Variants in MAGI2 observed in about 807,000 individuals in gnomAD.
The protein encoded by MAGI2 is membrane-associated guanylate kinase, WW and PDZ domain-containing protein 2.
Under a neutral mutation model 133.3 loss-of-function variants are expected in MAGI2, and 35 were observed. The ratio of observed to expected loss-of-function variants is 0.26; its 90% CI spans 0.20 to 0.35. The LOEUF is 0.35. Among genes scored for constraint, MAGI2 ranks in the 10% least tolerant of loss-of-function variants. The probability of loss-of-function intolerance (pLI) is 1.00; values close to 1 mark genes in which losing one functional copy is unlikely to be tolerated. For synonymous variants in MAGI2, 729 were observed against 710.6 expected (o/e 1.03, Z -0.41); for missense variants, 1,636 against 1,863.4 (o/e 0.88, Z 2.25).
At position 78,264,476 on chromosome 7, in the gene MAGI2, A is replaced by G. The variant is rs183375893; in HGVS notation, c.1409-7895T>C. On this transcript the variant is annotated intron_variant, in intron 9 of 21. Coordinates refer to ENST00000354212, the MANE Select transcript of MAGI2 (RefSeq NM_012301.4). Reference sequence around the variant, plus strand: ...AACTGCAATATTCTTTTGATTAGCTAAGTTAATGGAGGCATGCAGTGAAGC... The same window carrying G: ...AACTGCAATATTCTTTTGATTAGCTGAGTTAATGGAGGCATGCAGTGAAGC... Among the ~76,000 whole-genome samples, 305 of 152,278 alleles carry G rather than the reference A, an allele frequency of 2.0e-3. 1 individual carries two copies. Among genetic ancestry groups the G allele is most frequent in the African/African-American group, 6.5e-3 (270 of 41,566 alleles).
intron 2 of MAGI2, among the ~76,000 whole-genome samples, chr7:78,914,021 T>C (rs1360059423): frequency 6.6e-6 from 1 of 152,168 alleles, no homozygotes; most frequent in Non-Finnish European, 1.5e-5. Context: ...TTATTCCAAG[T>C]ATATTTCTTC....
chr7:78,051,884 CTTT>C (rs59919639), intron 21 of MAGI2, among the ~76,000 whole-genome samples: 3 of 125,790 alleles, frequency 2.4e-5, no homozygotes, highest in South Asian at 2.6e-4. Flanking sequence ...CATACCCAGC[CTTT>C]TTTTTTTTTT....
At chr7:79,204,358 T>G (rs1351568080) in intron 1 of MAGI2, among the ~76,000 whole-genome samples, 1 of 152,032 alleles carries the variant, frequency 6.6e-6, no homozygotes, top group Non-Finnish European at 1.5e-5. Context: ...CCGGCCTCAG[T>G]GGGCCTGGGC....
intron 14 of MAGI2, among the ~76,000 whole-genome samples, chr7:78,176,936 C>CACACACACACACACACACACACAT (rs1469274911): frequency 1.3e-5 from 2 of 151,202 alleles, no homozygotes; most frequent in African/African-American, 4.9e-5. Context: ...CACACACACA[C>CACACACACACACACACACACACAT]ACACACACAC....
chr7:79,307,627 G>C (rs1837929227), intron 1 of MAGI2, among the ~76,000 whole-genome samples: 1 of 152,072 alleles, frequency 6.6e-6, no homozygotes, highest in Admixed American at 6.6e-5. Context: ...GAAATAACGA[G>C]GATATGATAT....
chr7:78,243,231 A>T (rs1791348418), intron 10 of MAGI2, among the ~76,000 whole-genome samples: 1 of 77,720 alleles, frequency 1.3e-5, no homozygotes, highest in Non-Finnish European at 2.6e-5. Context: ...AGATACACAC[A>T]CACACACACA....
intron 11 of MAGI2, among the ~76,000 whole-genome samples, chr7:78,199,549 G>A (rs1382011337): frequency 1.3e-5 from 2 of 152,130 alleles, no homozygotes. Context: ...TCATCTGTTA[G>A]GAAAAGAAGC....
intron 21 of MAGI2, among the ~76,000 whole-genome samples, chr7:78,064,440 A>G (rs1813606966): frequency 6.6e-6 from 1 of 152,078 alleles, no homozygotes; most frequent in African/African-American, 2.4e-5. Flanking sequence ...TACTTAATGA[A>G]TAATGTTGTC....
chr7:78,706,361 T>A (rs1585145595), intron 2 of MAGI2, among the ~76,000 whole-genome samples: 1 of 150,592 alleles, frequency 6.6e-6, no homozygotes, highest in South Asian at 2.1e-4. Flanking sequence ...GAAGTGCCTT[T>A]CACCCCCCGC....
intron 1 of MAGI2, among the ~76,000 whole-genome samples, chr7:79,378,924 GTGTATATATATATATATA>G (rs1218139397): frequency 0.028 from 1,348 of 48,220 alleles, 39 homozygotes; most frequent in Non-Finnish European, 0.036. Flanking sequence ...ATATGTGTGT[GTGTATATATATATATATA>G]TATATATATA....
At chr7:78,711,833 A>G (rs1298047270) in intron 2 of MAGI2, among the ~76,000 whole-genome samples, 1 of 152,230 alleles carries the variant, frequency 6.6e-6, no homozygotes, top group Non-Finnish European at 1.5e-5. Flanking sequence ...GCAGTAATGG[A>G]GAGCAGTGGT....
At chr7:78,783,142 T>G (rs944105154) in intron 2 of MAGI2, among the ~76,000 whole-genome samples, 1 of 148,496 alleles carries the variant, frequency 6.7e-6, no homozygotes, top group African/African-American at 2.5e-5. Context: ...CCAAGAAAAA[T>G]ATTAGGTGCT....
At chr7:78,870,269 C>G (rs772528507) in intron 2 of MAGI2, among the ~76,000 whole-genome samples, 1 of 150,944 alleles carries the variant, frequency 6.6e-6, no homozygotes, top group African/African-American at 2.4e-5. Flanking sequence ...ATCACCTGAA[C>G]CAGGGATATT....
chr7:79,017,557 T>A (rs766973937), intron 1 of MAGI2, among the ~76,000 whole-genome samples: 2 of 152,178 alleles, frequency 1.3e-5, no homozygotes, highest in Admixed American at 1.3e-4. Flanking sequence ...ACCACACTAG[T>A]TCCCCAGCAA....
intron 9 of MAGI2, among the ~76,000 whole-genome samples, chr7:78,284,894 A>G (rs1172647906): frequency 6.6e-6 from 1 of 152,150 alleles, no homozygotes; most frequent in Non-Finnish European, 1.5e-5. Context: ...TTTGAATTTC[A>G]TTCCAGAAAT....
intron 1 of MAGI2, among the ~76,000 whole-genome samples, chr7:79,169,225 C>T (rs1825282376): frequency 6.6e-6 from 1 of 151,892 alleles, no homozygotes; most frequent in South Asian, 2.1e-4. Flanking sequence ...GTGAGCTGGA[C>T]CGTTTTCAGT....
chr7:78,292,521 T>C (rs760152811), intron 9 of MAGI2, among the ~76,000 whole-genome samples: 4 of 152,110 alleles, frequency 2.6e-5, no homozygotes, highest in South Asian at 2.1e-4. Flanking sequence ...AGGTAACTTA[T>C]AGATTCAATG....
intron 6 of MAGI2, among the ~76,000 whole-genome samples, chr7:78,402,454 C>T (rs189033083): frequency 1.1e-4 from 16 of 151,676 alleles, no homozygotes; most frequent in African/African-American, 3.6e-4. Context: ...CCACCTCGGG[C>T]GTGTGTGTGT....
chr7:79,331,166 T>C (rs1840043866), intron 1 of MAGI2, among the ~76,000 whole-genome samples: 1 of 152,184 alleles, frequency 6.6e-6, no homozygotes, highest in Non-Finnish European at 1.5e-5. Context: ...ATCCTTTCCA[T>C]TTTCAGGCTT....
Sources: gnomAD v4.1 joint callset for allele counts (sites outside exome capture counted in the v4.1 genomes callset) on GRCh38, gnomAD v4.1.1 for gene constraint, MANE v1.5 for transcripts, NCBI Gene and HGNC (gene_info 2026-07-23, HGNC 2026-07-21) for gene names.